Variants in CHD4 observed in about 807,000 individuals in gnomAD.
The protein encoded by CHD4 is ATP-dependent chromatin remodeler CHD4.
In CHD4, 35 loss-of-function variants were observed where a neutral mutation model predicts 235.5. The ratio of observed to expected loss-of-function variants is 0.15; its 90% confidence interval spans 0.11 to 0.20. The LOEUF (loss-of-function observed/expected upper bound fraction) is 0.20, where lower values mean the gene tolerates loss of function less well. Ranked by LOEUF, CHD4 falls within the 10% of genes least tolerant of loss-of-function variation. The probability of loss-of-function intolerance (pLI) is 1.00; values close to 1 mark genes in which losing one functional copy is unlikely to be tolerated. For synonymous variants in CHD4, 900 were observed against 850.2 expected, an observed-to-expected ratio of 1.06 and a Z score of -1.02; for missense variants, 1,329 against 2,432.3, an observed-to-expected ratio of 0.55 and a Z score of 9.54.
chr12:6,598,529 G>T, intron 10 of CHD4, 104 bp from the exon 11 acceptor site: 2 of 1,015,088 alleles, frequency 2.0e-6, no homozygotes, highest in Non-Finnish European at 2.9e-6. Context: ...TCTCATTTCA[G>T]ACCTGGAGCA....
Position 6,598,337 on chromosome 12 carries a change from T to A in CHD4, c.1571A>T (p.Asp524Val). The A allele has an allele frequency of 6.2e-7, 1 of 1,614,162 alleles. No individual in the cohort carries two copies. The highest frequency in any genetic ancestry group is 8.5e-7 in the Non-Finnish European group (1 of 1,180,006). Residue 524 changes from aspartate (D) to valine (V), a missense_variant, in exon 11 of 40, where the codon GAT becomes GTT. Around this residue, in one of 26 missense-constraint regions of CHD4, gnomAD observed 45 missense variants for 47.5 expected, o/e 0.95. Coordinates refer to ENST00000544040, the MANE Select transcript of CHD4 (RefSeq NM_001273.5). ...PSPTPVPRPPDADPNTPSPKP... is the reference protein window; with the variant it reads ...PSPTPVPRPPVADPNTPSPKP... ...TGGGGAGGGCGTGTTGGGATCAGCA[T>A]CTGGAGGCCGAGGCACTGGTGTGGG...
intron 37 of CHD4, 42 bp downstream of exon 37, chr12:6,577,743 A>C (rs1184718346): frequency 3.7e-6 from 6 of 1,610,952 alleles, no homozygotes; most frequent in Non-Finnish European, 5.1e-6. Context: ...ACGCACTTTC[A>C]AGTTTGTCAC....
Position 6,593,602 on chromosome 12 carries a change from G to A in CHD4, c.2328C>T (p.Gly776=), listed in dbSNP as rs1948437006. Residue 776 remains glycine (G), a synonymous_variant, in exon 16 of 40, where the codon GGC becomes GGT. Transcript: ENST00000544040. The surrounding 1 kb of genome is among the most constrained non-coding windows in gnomAD (Gnocchi z 4.9). ...YSLYKEGHSK[G]PFLVSAPLST... ...AAAGAGGGGCGCTCACTAGGAAGGGGCCTTTGGAATGACCCTTTGAGAAAA... is the reference window on the plus strand; with the variant it reads ...AAAGAGGGGCGCTCACTAGGAAGGGACCTTTGGAATGACCCTTTGAGAAAA... 2 of 1,614,110 alleles carry A rather than the reference G, an allele frequency of 1.2e-6. No individual in the cohort carries two copies. The highest frequency in any genetic ancestry group is 1.7e-6 in the Non-Finnish European group (2 of 1,180,034).
At chr12:6,594,936 GTAAA>G (rs1256364249) in intron 14 of CHD4, among the ~76,000 whole-genome samples, 1 of 152,090 alleles carries the variant, frequency 6.6e-6, no homozygotes, top group Non-Finnish European at 1.5e-5. Flanking sequence ...GATCCACCAG[GTAAA>G]TAATCGTTAT....
At chr12:6,578,997 G>T in intron 33 of CHD4, 80 bp from the exon 34 acceptor site, 1 of 1,311,858 alleles carries the variant, frequency 7.6e-7, no homozygotes, top group Non-Finnish European at 1.1e-6. Context: ...CAATTGGATA[G>T]ACCCACATCT....
intron 31 of CHD4, 122 bp downstream of exon 31, chr12:6,581,527 A>G: frequency 6.5e-7 from 1 of 1,535,984 alleles, no homozygotes; most frequent in Non-Finnish European, 9.0e-7. Context: ...GGCCCTCCTA[A>G]ACTGAGAGGG....
At chr12:6,596,642 A>G (rs1592277644) in intron 12 of CHD4, among the ~76,000 whole-genome samples, 1 of 152,090 alleles carries the variant, frequency 6.6e-6, no homozygotes, top group African/African-American at 2.4e-5. Context: ...TCTACTAAAA[A>G]TGCAAAAATT....
At chr12:6,572,872 C>CT (rs774407789) in intron 38 of CHD4, 4 of 485,728 alleles carry the variant, frequency 8.2e-6, no homozygotes, top group Admixed American at 4.6e-5. Context: ...GAGTCCATCT[C>CT]TTTAAAAAAA....
intron 34 of CHD4, 26 bp downstream of exon 34, chr12:6,578,820 C>G: frequency 6.2e-7 from 1 of 1,610,706 alleles, no homozygotes; most frequent in Non-Finnish European, 8.5e-7. Context: ...TCTTCTGAAC[C>G]ACAATCAACT....
chr12:6,582,469 G>A lies in CHD4; in HGVS notation c.4370+146C>T, dbSNP rs1310897409. On this transcript the variant is annotated intron_variant, in intron 29 of 39. Coordinates refer to ENST00000544040, the MANE Select transcript of CHD4 (RefSeq NM_001273.5). ...CCCAGGTTCTCTTCCAGGGAAGCTA[G>A]GAACACATTACTAACAGCTTCACCT... 42 of 1,347,484 alleles carry A rather than the reference G, an allele frequency of 3.1e-5. No individual in the cohort carries two copies. In the Admixed American group the frequency reaches 3.7e-4, roughly 12 times the overall value. 83.5% of individuals were successfully genotyped at this position (1,347,484 alleles called of 1,614,324 possible). A position where few individuals can be genotyped will look rare whatever the true frequency, so the allele number is the denominator to read the frequency against.
Position 6,570,601 on chromosome 12 carries a change from C to T in CHD4, c.*75G>A. 1 of 1,590,846 alleles carries T rather than the reference C, an allele frequency of 6.3e-7. No individual in the cohort carries two copies. The highest frequency in any genetic ancestry group is 8.6e-7 in the Non-Finnish European group (1 of 1,159,648). ...AGGAAGGTGAGGGTCTCTCAGGCCCCCAGGGGAGAAGCTGGGACAAGAGAA... is the reference window on the plus strand; with the variant it reads ...AGGAAGGTGAGGGTCTCTCAGGCCCTCAGGGGAGAAGCTGGGACAAGAGAA... On this transcript the variant is annotated 3_prime_UTR_variant, in exon 40 of 40. Coordinates refer to ENST00000544040, the MANE Select transcript of CHD4 (RefSeq NM_001273.5).
At chr12:6,599,657 C>T in intron 10 of CHD4, 116 bp downstream of exon 10, 1 of 1,301,324 alleles carries the variant, frequency 7.7e-7, no homozygotes, top group East Asian at 2.4e-5. Context: ...AAGGAGAATA[C>T]CTTTCTCAGG....
Position 6,582,902 on chromosome 12 carries a change from A to G in CHD4, c.4182T>C (p.Asn1394=). The G allele has an allele frequency of 6.2e-7, 1 of 1,614,058 alleles. No individual in the cohort carries two copies. The change falls in exon 28 of 40, where the codon AAT becomes AAC. Residue 1394 remains asparagine, a synonymous_variant. Coordinates refer to ENST00000544040, the MANE Select transcript of CHD4 (RefSeq NM_001273.5). ...GAGGAGGCAATGGCTTATCTTTATC[A>G]TTCCGCAGGCCCTTACGACTGGGCC... is the stretch of plus-strand genomic sequence containing the variant. The part of the protein sequence containing the change: ...PRRPSRKGLR[N]DKDKPLPPLL...
intron 31 of CHD4, 125 bp downstream of exon 31, chr12:6,581,524 C>T (rs1047539372): frequency 6.5e-7 from 1 of 1,534,544 alleles, no homozygotes; most frequent in Non-Finnish European, 9.0e-7. Context: ...GACGGCCCTC[C>T]TAAACTGAGA....
At chr12:6,605,286 A>G (rs1436436646) in intron 2 of CHD4, among the ~76,000 whole-genome samples, 2 of 151,906 alleles carry the variant, frequency 1.3e-5, no homozygotes, top group Non-Finnish European at 2.9e-5. Flanking sequence ...TGACATGTAG[A>G]AAAAAAAATT....
In CHD4 at chr12:6,606,338, C is replaced by G. The variant is rs1233247687; in HGVS notation, c.36G>C (p.Ser12=). 1.3e-6 allele frequency: 2 copies of G among 1,570,430 alleles called. No individual in the cohort carries two copies. Among genetic ancestry groups the G allele is most frequent in the African/African-American group, 1.4e-5 (1 of 71,346 alleles). ...ASGLGSPSPC[S]AGSEEEDMDA... ...CCATATCCTCCTCCTCACTGCCCGC[C>G]GAGCAGGGGGACGGGGAGCCCAGGC... The change falls in exon 2 of 40, where the codon TCG becomes TCC. Residue 12 remains serine (S), a synonymous_variant. Transcript: ENST00000544040.
intron 22 of CHD4, among the ~76,000 whole-genome samples, chr12:6,590,507 AG>A (rs1948376039): frequency 1.3e-5 from 2 of 152,042 alleles, no homozygotes; most frequent in African/African-American, 2.4e-5. Context: ...TAAAATAAAA[AG>A]TTTTTTTTTT....
intron 2 of CHD4, among the ~76,000 whole-genome samples, chr12:6,604,973 C>G (rs187047281): frequency 1.7e-4 from 26 of 152,276 alleles, no homozygotes; most frequent in African/African-American, 5.5e-4. Flanking sequence ...CAACTCCGCC[C>G]TCACCTTGGG....
chr12:6,572,851 C>T (rs984717101), intron 38 of CHD4: 13 of 402,052 alleles, frequency 3.2e-5, no homozygotes, highest in Admixed American at 1.5e-4. Flanking sequence ...TGAGCCACCG[C>T]GCCCGGCCAG....
Sources: gnomAD v4.1 joint callset for allele counts (sites outside exome capture counted in the v4.1 genomes callset) on GRCh38, gnomAD v4.1.1 for gene constraint, gnomAD v4.1.1 regional missense constraint, Gnocchi (gnomAD v3.1) non-coding constraint, MANE v1.5 for transcripts, NCBI Gene and HGNC (gene_info 2026-07-23, HGNC 2026-07-21) for gene names.